The following PDE4D variants were observed in gnomAD, a reference collection of about 807,000 sequenced individuals.
PDE4D encodes the protein phosphodiesterase 4D.
PDE4D carries 24 observed loss-of-function variants against 87.4 expected under a neutral mutation model. The ratio of observed to expected loss-of-function variants is 0.27; its 90% confidence interval spans 0.20 to 0.39. The LOEUF is 0.39. PDE4D is among the 10% of genes least tolerant of loss of function. The pLI is 1.00. For missense variants in PDE4D, 714 were observed against 1,041.0 expected, an observed-to-expected ratio of 0.69 and a Z score of 4.32; for synonymous variants, 384 against 383.2, an observed-to-expected ratio of 1.00 and a Z score of -0.02.
chr5:59,229,946 G>A (rs898615122), intron 1 of PDE4D, among the ~76,000 whole-genome samples: 4 of 152,034 alleles, frequency 2.6e-5, no homozygotes, highest in African/African-American at 9.7e-5. Flanking sequence ...TTACAGGCAG[G>A]CGCCACCATG....
chr5:59,846,363 G>A (rs1050450428), intron 1 of PDE4D, among the ~76,000 whole-genome samples: 4 of 152,010 alleles, frequency 2.6e-5, no homozygotes, highest in Middle Eastern at 3.2e-3. Flanking sequence ...CTGTCAGATC[G>A]GAGAAGAATT....
rs1220183229 is a variant in PDE4D, at chr5:59,201,138, AC to A, written c.648-7603del. On this transcript the variant is annotated intron_variant, in intron 2 of 14. Coordinates refer to ENST00000340635, the MANE Select transcript of PDE4D (RefSeq NM_001104631.2). Reference sequence around the variant, plus strand: ...AAAAATAATCATATGGGTTTTTCAGACGAATTTCAGTTCATTTATCATTCAT... The same window carrying A: ...AAAAATAATCATATGGGTTTTTCAGAGAATTTCAGTTCATTTATCATTCAT... Among the ~76,000 whole-genome samples, 4 of 152,232 alleles carry A rather than the reference AC, an allele frequency of 2.6e-5. No individual in the cohort carries two copies. In the East Asian group the frequency reaches 7.7e-4, roughly 29 times the overall value.
intron 1 of PDE4D, among the ~76,000 whole-genome samples, chr5:60,449,730 C>A (rs771368451): frequency 5.2e-4 from 79 of 150,908 alleles, no homozygotes; most frequent in Non-Finnish European, 7.8e-4. Flanking sequence ...GTCTTAAACT[C>A]CTGGGCTCAA....
At chr5:60,226,792 C>A (rs1165698892) in intron 1 of PDE4D, among the ~76,000 whole-genome samples, 2 of 151,622 alleles carry the variant, frequency 1.3e-5, no homozygotes, top group East Asian at 2.0e-4. Flanking sequence ...CAGTCCCAAG[C>A]CATCCTTCTT....
chr5:59,215,832 C>T lies in PDE4D; in HGVS notation c.592G>A (p.Asp198Asn). The T allele has an allele frequency of 6.2e-7, 1 of 1,613,638 alleles. No individual in the cohort carries two copies. Among genetic ancestry groups the T allele is most frequent in the South Asian group, 1.1e-5 (1 of 91,080 alleles). Residue 198 changes from aspartate to asparagine, a missense_variant, in exon 2 of 15, where the codon GAT becomes AAT. Physicochemically the swap from Asp to Asn is conservative, Grantham distance 23. Coordinates refer to ENST00000340635, the MANE Select transcript of PDE4D (RefSeq NM_001104631.2). ...RESFLYRSDS[D>N]YDLSPKSMSR... ...ATAGACTTTGGAGAGAGGTCATAAT[C>T]GCTGTCGGATCGATACAGGAAGGAC...
chr5:59,777,814 C>T (rs976889530), intron 1 of PDE4D, among the ~76,000 whole-genome samples: 1 of 152,124 alleles, frequency 6.6e-6, no homozygotes, highest in Admixed American at 6.5e-5. Flanking sequence ...ATAACAAAAT[C>T]ATAAACCATT....
chr5:60,483,052 C>G (rs1387023104), intron 1 of PDE4D, among the ~76,000 whole-genome samples: 3 of 152,168 alleles, frequency 2.0e-5, no homozygotes, highest in Non-Finnish European at 4.4e-5. Flanking sequence ...GAAACTTAAA[C>G]CTGGTAACAT....
At chr5:59,215,168 A>T (rs950551269) in intron 2 of PDE4D, among the ~76,000 whole-genome samples, 2 of 152,154 alleles carry the variant, frequency 1.3e-5, no homozygotes, top group African/African-American at 4.8e-5. Context: ...CCTGCTTGTC[A>T]GTTTTCATTG....
intron 1 of PDE4D, among the ~76,000 whole-genome samples, chr5:60,441,596 T>C (rs1745218318): frequency 6.6e-6 from 1 of 152,096 alleles, no homozygotes; most frequent in African/African-American, 2.4e-5. Context: ...TGGGATCTAA[T>C]TAAACTAAAG....
intron 2 of PDE4D, among the ~76,000 whole-genome samples, chr5:60,061,137 A>G (rs983459780): frequency 1.3e-5 from 2 of 152,164 alleles, no homozygotes; most frequent in African/African-American, 4.8e-5. Context: ...GAGAAAGTCA[A>G]ATTGTCTCTG....
chr5:59,342,192 T>TA (rs1778842810), intron 1 of PDE4D, among the ~76,000 whole-genome samples: 1 of 152,242 alleles, frequency 6.6e-6, no homozygotes. Context: ...ATTATGATTT[T>TA]ACATATCTTT....
chr5:60,126,644 C>T (rs1200055820), intron 2 of PDE4D, among the ~76,000 whole-genome samples: 1 of 152,106 alleles, frequency 6.6e-6, no homozygotes, highest in Admixed American at 6.5e-5. Flanking sequence ...GCCAACAAGG[C>T]AATTTTGTGA....
Position 59,745,152 on chromosome 5 carries a change from G to A in PDE4D, c.455+148016C>T, listed in dbSNP as rs1759423049. Among the ~76,000 whole-genome samples the A allele has an allele frequency of 3.9e-5, 6 of 152,166 alleles. No homozygotes were observed. The South Asian group carries it at 1.2e-3, about 32-fold the overall frequency. On this transcript the variant is annotated intron_variant, in intron 1 of 14. Transcript: ENST00000340635. ...ATGGTGTTCAGATTATATGGTTAGG[G>A]AAAGAAGAGGCTAAAAATGCCTACA...
At chr5:59,644,527 G>A (rs1174313828) in intron 1 of PDE4D, among the ~76,000 whole-genome samples, 2 of 152,100 alleles carry the variant, frequency 1.3e-5, no homozygotes, top group Non-Finnish European at 2.9e-5. Flanking sequence ...GATTGTTCCT[G>A]AATTATGGTC....
Position 59,038,952 on chromosome 5 carries a change from C to A in PDE4D, c.828G>T (p.Leu276=). The A allele has an allele frequency of 6.3e-7, 1 of 1,593,412 alleles. No homozygotes were observed. ...ATITEEAYQK[L]ASETLEELDW... ...CCAGCTCCTCCAGGGTCTCGCTGGC[C>A]AGTTTCTGGTAGGCCTCCTCTGCGA... Residue 276 remains leucine (L), a synonymous_variant, in exon 6 of 15, where the codon CTG becomes CTT. Transcript: ENST00000340635.
Position 59,651,044 on chromosome 5 carries a change from A to C in PDE4D, c.455+242124T>G, listed in dbSNP as rs544974214. ...GCCGAGGTGGGCGGATCACGAGGTC[A>C]GGAGATCGAGACCATCCTGGCCAAC... On this transcript the variant is annotated intron_variant, in intron 1 of 14. Coordinates refer to ENST00000340635, the MANE Select transcript of PDE4D (RefSeq NM_001104631.2). Among the ~76,000 whole-genome samples the C allele has an allele frequency of 1.5e-4, 23 of 152,128 alleles. No individual in the cohort carries two copies. The East Asian group carries it at 3.9e-3, about 26-fold the overall frequency.
chr5:59,490,019 A>T (rs1805893223), intron 1 of PDE4D, among the ~76,000 whole-genome samples: 1 of 152,196 alleles, frequency 6.6e-6, no homozygotes, highest in African/African-American at 2.4e-5. Flanking sequence ...TAATAACAAC[A>T]TTTTAATTGT....
chr5:60,309,200 AAGAC>A (rs1754778067), intron 1 of PDE4D, among the ~76,000 whole-genome samples: 3 of 152,136 alleles, frequency 2.0e-5, no homozygotes, highest in African/African-American at 4.8e-5. Context: ...CTGCCTCTGA[AAGAC>A]AGTCTGGGGA....
chr5:59,435,033 G>T (rs1582588941), intron 1 of PDE4D, among the ~76,000 whole-genome samples: 5 of 152,148 alleles, frequency 3.3e-5, no homozygotes, highest in East Asian at 1.9e-4. Context: ...AGTGTTAAGT[G>T]GTGGAGTCAG....
Sources: allele counts gnomAD v4.1 joint callset (sites outside exome capture counted in the v4.1 genomes callset), GRCh38; gene constraint gnomAD v4.1.1; transcripts MANE v1.5; gene names NCBI Gene and HGNC (gene_info 2026-07-23, HGNC 2026-07-21).